The following LIPI variants were observed in gnomAD, a reference collection of about 807,000 sequenced individuals.
LIPI encodes the protein lipase I.
Under a neutral mutation model 50.6 loss-of-function variants are expected in LIPI, and 59 were observed. The observed-to-expected ratio is 1.16, with a 90% CI of 0.94 to 1.45. LIPI has a LOEUF of 1.45. LIPI is among the 40% of genes most tolerant of loss of function. The pLI is 0.00. For synonymous variants in LIPI, 203 were observed against 178.2 expected, an observed-to-expected ratio of 1.14 and a Z score of -1.11; for missense variants, 586 against 536.3, an observed-to-expected ratio of 1.09 and a Z score of -0.92.
At position 14,149,161 on chromosome 21, in the gene LIPI, G is replaced by C. The variant is rs145377067; in HGVS notation, c.1118+3412C>G. Among the ~76,000 whole-genome samples the C allele has an allele frequency of 1.3e-5, 2 of 152,112 alleles. 1 individual carries two copies. Among genetic ancestry groups the C allele is most frequent in the Non-Finnish European group, 2.9e-5 (2 of 68,018 alleles). On this transcript the variant is annotated intron_variant, in intron 8 of 9. Coordinates refer to ENST00000681601, the MANE Select transcript of LIPI (RefSeq NM_001302998.2). ...TCAACAGGTCTGCATTGCTGAGGAG[G>C]CCTCAGGAAACTTACAAACATGGCA...
intron 1 of LIPI, among the ~76,000 whole-genome samples, chr21:14,200,222 G>A (rs373007175): frequency 2.0e-5 from 3 of 151,960 alleles, no homozygotes; most frequent in East Asian, 3.9e-4. Flanking sequence ...CACCACTCCT[G>A]TTCAACATAG....
chr21:14,194,609 C>T lies in LIPI; in HGVS notation c.47-5190G>A, dbSNP rs77830430. Among the ~76,000 whole-genome samples the T allele has an allele frequency of 4.0e-3, 601 of 151,456 alleles. 5 individuals are homozygous for T. Among genetic ancestry groups the T allele is most frequent in the African/African-American group, 0.013 (553 of 41,328 alleles). On this transcript the variant is annotated intron_variant, in intron 1 of 9. Coordinates refer to ENST00000681601, the MANE Select transcript of LIPI (RefSeq NM_001302998.2). ...CCGAGATCAGTCAAATTTATAGAGA[C>T]GGAAAGTAGGATTGTGGTTGCCCTG...
chr21:14,170,834 T>A (rs1370754705), intron 4 of LIPI, among the ~76,000 whole-genome samples: 1 of 151,540 alleles, frequency 6.6e-6, no homozygotes, highest in Non-Finnish European at 1.5e-5. Context: ...TCACCACTCC[T>A]ATTCAACATA....
intron 9 of LIPI, among the ~76,000 whole-genome samples, chr21:14,116,306 G>A (rs1175652700): frequency 1.3e-5 from 2 of 152,128 alleles, no homozygotes; most frequent in African/African-American, 4.8e-5. Context: ...AGTGTGGGAT[G>A]AGCCAGACCT....
intron 4 of LIPI, among the ~76,000 whole-genome samples, chr21:14,176,519 AT>A (rs2123220399): frequency 6.6e-6 from 1 of 151,832 alleles, no homozygotes; most frequent in South Asian, 2.1e-4. Context: ...AAAATATTTG[AT>A]TATATTATTT....
At chr21:14,169,824 A>G in intron 4 of LIPI, among the ~76,000 whole-genome samples, 1 of 152,186 alleles carries the variant, frequency 6.6e-6, no homozygotes, top group African/African-American at 2.4e-5. Flanking sequence ...AAGAGCAAAC[A>G]CATTCATAAG....
At chr21:14,145,310 T>A (rs894992553) in intron 8 of LIPI, among the ~76,000 whole-genome samples, 1 of 152,222 alleles carries the variant, frequency 6.6e-6, no homozygotes, top group African/African-American at 2.4e-5. Flanking sequence ...CTCATTTAAC[T>A]ACCTGAAAAA....
intron 5 of LIPI, 80 bp downstream of exon 5, chr21:14,166,282 G>C: frequency 9.3e-6 from 8 of 860,540 alleles, no homozygotes; most frequent in Non-Finnish European, 1.4e-5. Context: ...ACTGCCTACA[G>C]ATTAAGAGGG....
intron 7 of LIPI, 51 bp downstream of exon 7, chr21:14,163,368 T>G: frequency 2.3e-6 from 2 of 858,260 alleles, no homozygotes; most frequent in Non-Finnish European, 4.0e-6. Context: ...TGTAGATTAG[T>G]GCAAAAAAAA....
chr21:14,146,765 A>T (rs1029485121), intron 8 of LIPI, among the ~76,000 whole-genome samples: 4 of 113,634 alleles, frequency 3.5e-5, no homozygotes, highest in South Asian at 5.1e-4. Context: ...TTACTTTCCC[A>T]GTCTCTATTT....
intron 9 of LIPI, among the ~76,000 whole-genome samples, chr21:14,133,411 G>A (rs1169545786): frequency 6.6e-6 from 1 of 152,124 alleles, no homozygotes; most frequent in Non-Finnish European, 1.5e-5. Flanking sequence ...AAAAGCATTT[G>A]ATAAAATTCC....
chr21:14,195,505 T>G (rs189055840), intron 1 of LIPI, among the ~76,000 whole-genome samples: 2 of 152,192 alleles, frequency 1.3e-5, no homozygotes, highest in African/African-American at 4.8e-5. Context: ...CAAGCTCTGC[T>G]TGCTTTCATT....
intron 2 of LIPI, among the ~76,000 whole-genome samples, chr21:14,187,285 G>A (rs1385157009): frequency 4.6e-5 from 7 of 152,100 alleles, no homozygotes; most frequent in Non-Finnish European, 1.0e-4. Flanking sequence ...TGAGACTTGT[G>A]GACAGATCAT....
At position 14,173,907 on chromosome 21, in the gene LIPI, T is replaced by G. The variant is rs116106638; in HGVS notation, c.644-7456A>C. On this transcript the variant is annotated intron_variant, in intron 4 of 9. Coordinates refer to ENST00000681601, the MANE Select transcript of LIPI (RefSeq NM_001302998.2). Reference sequence around the variant, plus strand: ...CTTGATTGGGACAATGGTGAGGGTATGCTAGCCAGTCTGTCTTAAAATCCC... The same window carrying G: ...CTTGATTGGGACAATGGTGAGGGTAGGCTAGCCAGTCTGTCTTAAAATCCC... Among the ~76,000 whole-genome samples, 885 of 152,038 alleles carry G rather than the reference T, an allele frequency of 5.8e-3. 9 individuals carry two copies. Among genetic ancestry groups the G allele is most frequent in the Middle Eastern group, 0.031 (9 of 294 alleles).
At chr21:14,135,654 C>T (rs549205487) in intron 9 of LIPI, among the ~76,000 whole-genome samples, 1 of 152,164 alleles carries the variant, frequency 6.6e-6, no homozygotes, top group Non-Finnish European at 1.5e-5. Flanking sequence ...GTAGCCTAAA[C>T]TTTAGTGTCA....
At chr21:14,164,280 C>A (rs552582324) in intron 6 of LIPI, among the ~76,000 whole-genome samples, 1 of 152,034 alleles carries the variant, frequency 6.6e-6, no homozygotes, top group Admixed American at 6.6e-5. Flanking sequence ...TATATATTCA[C>A]TCTGGGTTAC....
chr21:14,127,760 A>G (rs2017123484), intron 9 of LIPI, among the ~76,000 whole-genome samples: 1 of 152,178 alleles, frequency 6.6e-6, no homozygotes, highest in Non-Finnish European at 1.5e-5. Context: ...TGTGCTCACC[A>G]ACATTCTGTA....
At chr21:14,160,932 T>G (rs77260263) in intron 7 of LIPI, among the ~76,000 whole-genome samples, 2,421 of 151,566 alleles carry the variant, frequency 0.016, 64 homozygotes, top group African/African-American at 0.055. Flanking sequence ...CATCACTGTA[T>G]GCCTGTCAGA....
chr21:14,181,499 T>A (rs1010496311), intron 4 of LIPI, among the ~76,000 whole-genome samples: 22 of 152,218 alleles, frequency 1.4e-4, no homozygotes, highest in African/African-American at 4.8e-4. Context: ...AACTCTTAGT[T>A]ATCTATTTCA....
Sources: gnomAD v4.1 joint callset for allele counts (sites outside exome capture counted in the v4.1 genomes callset) on GRCh38, gnomAD v4.1.1 for gene constraint, MANE v1.5 for transcripts, NCBI Gene and HGNC (gene_info 2026-07-23, HGNC 2026-07-21) for gene names.